Variants in RERE observed in about 807,000 individuals in gnomAD.
The protein encoded by RERE is arginine-glutamic acid dipeptide repeats.
In RERE, 40 loss-of-function variants were observed where a neutral mutation model predicts 146.1. That is an observed-to-expected ratio of 0.27 (90% CI 0.21 to 0.36). RERE has a LOEUF of 0.36. Ranked by LOEUF, RERE falls within the 10% of genes least tolerant of loss-of-function variation. RERE has a pLI of 1.00. For missense variants in RERE, 1,933 were observed against 2,138.7 expected (o/e 0.90, Z 1.90); for synonymous variants, 1,003 against 866.0 (o/e 1.16, Z -2.78).
At chr1:8,556,842 G>A (rs1455659106) in intron 5 of RERE, among the ~76,000 whole-genome samples, 3 of 151,974 alleles carry the variant, frequency 2.0e-5, no homozygotes, top group Non-Finnish European at 4.4e-5. Context: ...AGCACAAATG[G>A]AAAAAGAAGA....
chr1:8,398,468 C>CGT (rs1643133465), intron 12 of RERE, among the ~76,000 whole-genome samples: 1 of 152,194 alleles, frequency 6.6e-6, no homozygotes, highest in Non-Finnish European at 1.5e-5. Context: ...GTCTTGACCG[C>CGT]CCCAGTGTAA....
intron 12 of RERE, among the ~76,000 whole-genome samples, chr1:8,376,103 T>TGTG (rs1642238435): frequency 1.3e-5 from 2 of 152,240 alleles, no homozygotes; most frequent in Admixed American, 1.3e-4. Flanking sequence ...TAGACTCTGC[T>TGTG]GTGCTGCTGC....
intron 1 of RERE, among the ~76,000 whole-genome samples, chr1:8,796,175 G>A (rs923963608): frequency 6.6e-6 from 1 of 151,984 alleles, no homozygotes; most frequent in Admixed American, 6.6e-5. Flanking sequence ...TGATTCAAAT[G>A]GGCACTACAC....
rs567621748 is a variant in RERE, at chr1:8,590,567, T to C, written c.522+23994A>G. Among the ~76,000 whole-genome samples the C allele has an allele frequency of 8.4e-4, 128 of 152,320 alleles. 2 individuals carry two copies. Among genetic ancestry groups the C allele is most frequent in the Middle Eastern group, 3.4e-3 (1 of 294 alleles). On this transcript the variant is annotated intron_variant, in intron 4 of 22. Transcript: ENST00000400908. The stretch of plus-strand genomic sequence containing the variant: ...AATGCAGTGCGGCCCACCGGTCATG[T>C]TCCCTCAAAGGCCAAGTTAGTGCCT...
chr1:8,725,939 TAA>T (rs34719898), intron 1 of RERE, among the ~76,000 whole-genome samples: 1 of 146,906 alleles, frequency 6.8e-6, no homozygotes, highest in Non-Finnish European at 1.5e-5. Flanking sequence ...AAAAGTTGTT[TAA>T]AAAAAAAGTC....
chr1:8,797,913 C>A (rs991857424), intron 1 of RERE, among the ~76,000 whole-genome samples: 2 of 152,154 alleles, frequency 1.3e-5, no homozygotes, highest in Admixed American at 1.3e-4. Flanking sequence ...CAAGTTCAGC[C>A]TAATAGGCAT....
At chr1:8,446,743 C>T (rs972101609) in intron 11 of RERE, among the ~76,000 whole-genome samples, 3 of 152,184 alleles carry the variant, frequency 2.0e-5, no homozygotes, top group Non-Finnish European at 2.9e-5. Context: ...GGCGCCATCT[C>T]GGCTCACTGC....
intron 1 of RERE, among the ~76,000 whole-genome samples, chr1:8,667,099 T>C (rs59066348): frequency 0.054 from 8,190 of 152,182 alleles, 714 homozygotes; most frequent in African/African-American, 0.19. Context: ...CTCATCTCCT[T>C]TGAGCTTTGG....
intron 1 of RERE, among the ~76,000 whole-genome samples, chr1:8,740,482 A>C (rs185320740): frequency 1.3e-5 from 2 of 152,078 alleles, no homozygotes; most frequent in Admixed American, 6.5e-5. Context: ...TTTAAATATT[A>C]TTTTTTCTTC....
intron 1 of RERE, among the ~76,000 whole-genome samples, chr1:8,815,843 ATGTG>A (rs780581651): frequency 9.0e-5 from 13 of 143,806 alleles, no homozygotes; most frequent in South Asian, 2.1e-4. Flanking sequence ...GTGTGTGTGT[ATGTG>A]TGTGTGTGTG....
chr1:8,445,158 A>G lies in RERE; in HGVS notation c.1203+20767T>C, dbSNP rs554719078. 6.6e-5 allele frequency among the ~76,000 whole-genome samples: 10 copies of G among 152,352 alleles called. No individual in the cohort carries two copies. In the South Asian group the frequency reaches 1.0e-3, roughly 16 times the overall value. On this transcript the variant is annotated intron_variant, in intron 11 of 22. Transcript: ENST00000400908. The stretch of plus-strand genomic sequence containing the variant: ...ATTTTTCTTAGCTTTGTATCTACCT[A>G]AAGGAAGACCCAGAAATTCTTTGGG...
intron 7 of RERE, among the ~76,000 whole-genome samples, chr1:8,509,148 T>C (rs2124300913): frequency 6.6e-6 from 1 of 152,234 alleles, no homozygotes. Flanking sequence ...TTTCATCATG[T>C]TCAGCCAGGC....
chr1:8,464,953 GA>G (rs1644577384), intron 11 of RERE: 1 of 152,190 alleles, frequency 6.6e-6, no homozygotes, highest in African/African-American at 2.4e-5. Flanking sequence ...GAAAGAGCGG[GA>G]TCAGGAAAGC....
chr1:8,743,632 T>C (rs555611740), intron 1 of RERE, among the ~76,000 whole-genome samples: 95 of 152,242 alleles, frequency 6.2e-4, no homozygotes, highest in African/African-American at 2.1e-3. Flanking sequence ...TGTCTCAGTA[T>C]AGACATGCAT....
chr1:8,623,554 G>A lies in RERE; in HGVS notation c.396+756C>T, dbSNP rs1646940247. Among the ~76,000 whole-genome samples the A allele has an allele frequency of 2.0e-5, 3 of 152,108 alleles. No homozygotes were observed. In the South Asian group the frequency reaches 6.2e-4, roughly 32 times the overall value. ...CATACTGAAAACAGGCTGAAAAATC[G>A]TTGTCCAGACGTGTGAGATCAATTT... On this transcript the variant is annotated intron_variant, in intron 3 of 22. Coordinates refer to ENST00000400908, the MANE Select transcript of RERE (RefSeq NM_001042681.2).
At chr1:8,428,720 A>G (rs1449894602) in intron 11 of RERE, 3 of 152,238 alleles carry the variant, frequency 2.0e-5, no homozygotes, top group Admixed American at 6.5e-5. Flanking sequence ...GTCTGCTCCT[A>G]TGTTCCAAAA....
intron 10 of RERE, among the ~76,000 whole-genome samples, chr1:8,492,116 T>C (rs919717038): frequency 2.2e-4 from 34 of 152,194 alleles, no homozygotes; most frequent in African/African-American, 6.5e-4. Context: ...TCACAAAATA[T>C]GTACACATAA....
intron 12 of RERE, among the ~76,000 whole-genome samples, chr1:8,366,897 T>A (rs1570057779): frequency 1.4e-5 from 1 of 73,180 alleles, no homozygotes; most frequent in South Asian, 3.6e-4. Context: ...TCTCTTTACC[T>A]AGAACTGAAA....
chr1:8,503,566 G>C (rs1300808577), intron 8 of RERE, among the ~76,000 whole-genome samples: 6 of 152,252 alleles, frequency 3.9e-5, no homozygotes, highest in Middle Eastern at 3.4e-3. Context: ...ATGAGAAGGA[G>C]CTCTATATAC....
Sources: allele counts gnomAD v4.1 joint callset (sites outside exome capture counted in the v4.1 genomes callset), GRCh38; gene constraint gnomAD v4.1.1; transcripts MANE v1.5; gene names NCBI Gene and HGNC (gene_info 2026-07-23, HGNC 2026-07-21).